Variants in PRKN observed in about 807,000 individuals in gnomAD.
PRKN encodes the protein parkin RBR E3 ubiquitin protein ligase, also known as E3 ubiquitin-protein ligase parkin.
PRKN carries 56 observed loss-of-function variants against 59.5 expected under a neutral mutation model. The observed-to-expected ratio is 0.94, with a 90% CI of 0.76 to 1.18. The LOEUF (loss-of-function observed/expected upper bound fraction) is 1.18. Ranked by LOEUF, PRKN falls within the 50% of genes most tolerant of loss-of-function variation. The pLI is 0.00. For synonymous variants in PRKN, 250 were observed against 222.1 expected, an observed-to-expected ratio of 1.13 and a Z score of -1.12; for missense variants, 657 against 596.4, an observed-to-expected ratio of 1.10 and a Z score of -1.06.
At chr6:162,089,100 G>T (rs1779369598) in intron 4 of PRKN, among the ~76,000 whole-genome samples, 1 of 152,066 alleles carries the variant, frequency 6.6e-6, no homozygotes, top group South Asian at 2.1e-4. Flanking sequence ...CATCACTACA[G>T]TAAAATGACA....
At chr6:162,573,993 G>A (rs77214277) in intron 1 of PRKN, among the ~76,000 whole-genome samples, 3 of 152,272 alleles carry the variant, frequency 2.0e-5, no homozygotes, top group East Asian at 3.9e-4. Context: ...GTTTAAAAAG[G>A]GAGAACTTGA....
In PRKN at chr6:162,163,892, T is replaced by G. The variant is rs114275011; in HGVS notation, c.534+37239A>C. On this transcript the variant is annotated intron_variant, in intron 4 of 11. Transcript: ENST00000366898. Reference sequence around the variant, plus strand: ...TTCACCTGCTCTGCAGCTACAGGCCTTATCCTCTAATTAAACCAACCCCAC... The same window carrying G: ...TTCACCTGCTCTGCAGCTACAGGCCGTATCCTCTAATTAAACCAACCCCAC... Among the ~76,000 whole-genome samples the G allele has an allele frequency of 3.8e-3, 567 of 149,258 alleles. 72 individuals are homozygous for G. Among genetic ancestry groups the G allele is most frequent in the African/African-American group, 0.014 (545 of 39,790 alleles).
intron 1 of PRKN, among the ~76,000 whole-genome samples, chr6:162,452,017 G>T (rs986426567): frequency 6.6e-6 from 1 of 150,460 alleles, no homozygotes; most frequent in African/African-American, 2.4e-5. Context: ...TCACATACAG[G>T]GTTAAAATGA....
chr6:162,245,269 G>C (rs1184519474), intron 3 of PRKN, among the ~76,000 whole-genome samples: 1 of 152,030 alleles, frequency 6.6e-6, no homozygotes, highest in Non-Finnish European at 1.5e-5. Flanking sequence ...CAGTGGAGCA[G>C]ACAACCTCAA....
chr6:161,404,614 T>A (rs1166761454), intron 9 of PRKN, among the ~76,000 whole-genome samples: 1 of 152,154 alleles, frequency 6.6e-6, no homozygotes, highest in Non-Finnish European at 1.5e-5. Flanking sequence ...TGTGTCAGGG[T>A]GTCTCTAAGT....
intron 4 of PRKN, among the ~76,000 whole-genome samples, chr6:162,191,256 A>T (rs1784267213): frequency 6.6e-6 from 1 of 152,114 alleles, no homozygotes; most frequent in African/African-American, 2.4e-5. Flanking sequence ...ATGGGCCCAG[A>T]CTAGGGGATA....
chr6:161,838,931 A>T (rs1792871354), intron 6 of PRKN, among the ~76,000 whole-genome samples: 1 of 152,172 alleles, frequency 6.6e-6, no homozygotes. Flanking sequence ...TCGACCCTGC[A>T]AGGGGCCTGA....
intron 4 of PRKN, among the ~76,000 whole-genome samples, chr6:162,105,909 G>A (rs887364185): frequency 3.3e-5 from 5 of 152,188 alleles, no homozygotes; most frequent in African/African-American, 1.2e-4. Flanking sequence ...AGTACAGGCT[G>A]AGAAACATTC....
intron 4 of PRKN, among the ~76,000 whole-genome samples, chr6:162,177,468 T>C (rs542315945): frequency 8.5e-5 from 13 of 152,306 alleles, no homozygotes; most frequent in Admixed American, 2.6e-4. Context: ...ATTTGTCACA[T>C]AAAATTTAAT....
intron 4 of PRKN, among the ~76,000 whole-genome samples, chr6:162,096,358 C>A (rs1779730872): frequency 6.6e-6 from 1 of 152,154 alleles, no homozygotes; most frequent in Admixed American, 6.5e-5. Context: ...AATAGATAAG[C>A]CAACCTGTTC....
intron 10 of PRKN, among the ~76,000 whole-genome samples, chr6:161,375,619 G>A (rs565718024): frequency 5.9e-5 from 9 of 152,246 alleles, no homozygotes; most frequent in Non-Finnish European, 7.4e-5. Context: ...TGTGGCAGGC[G>A]ACGAAAAGGC....
intron 7 of PRKN, among the ~76,000 whole-genome samples, chr6:161,597,183 A>C (rs1781946581): frequency 6.6e-6 from 1 of 152,202 alleles, no homozygotes; most frequent in South Asian, 2.1e-4. Context: ...ACACATGCCG[A>C]AAGGAGGAGC....
chr6:161,558,406 TA>T (rs796688147), intron 8 of PRKN, among the ~76,000 whole-genome samples: 1 of 149,822 alleles, frequency 6.7e-6, no homozygotes, highest in Non-Finnish European at 1.5e-5. Context: ...GACAAAAAAT[TA>T]AAAAAAAATT....
chr6:162,197,598 T>C lies in PRKN; in HGVS notation c.534+3533A>G, dbSNP rs140352010. Among the ~76,000 whole-genome samples, 1,514 of 152,318 alleles carry C rather than the reference T, an allele frequency of 9.9e-3. 27 individuals carry two copies. Among genetic ancestry groups the C allele is most frequent in the African/African-American group, 0.034 (1,415 of 41,554 alleles). ...CTATGGAAAAATACAAAGCAGATTT[T>C]TCACTCCTGGCTTCGATATTTATGA... is the stretch of plus-strand genomic sequence containing the variant. On this transcript the variant is annotated intron_variant, in intron 4 of 11. Coordinates refer to ENST00000366898, the MANE Select transcript of PRKN (RefSeq NM_004562.3).
intron 6 of PRKN, among the ~76,000 whole-genome samples, chr6:161,911,472 T>C (rs1172679803): frequency 2.0e-5 from 3 of 152,196 alleles, no homozygotes; most frequent in Admixed American, 6.5e-5. Flanking sequence ...GCCATTTCTA[T>C]CAGAACTCCT....
chr6:161,837,462 T>C (rs1792805483), intron 6 of PRKN, among the ~76,000 whole-genome samples: 1 of 152,160 alleles, frequency 6.6e-6, no homozygotes, highest in South Asian at 2.1e-4. Context: ...CTTTGACTCA[T>C]TTAATTAAGT....
intron 2 of PRKN, among the ~76,000 whole-genome samples, chr6:162,423,111 T>C (rs887448747): frequency 1.3e-5 from 2 of 152,258 alleles, no homozygotes; most frequent in Non-Finnish European, 2.9e-5. Flanking sequence ...TTCCCTTACA[T>C]ATAAAAATGT....
intron 7 of PRKN, among the ~76,000 whole-genome samples, chr6:161,743,785 T>C (rs1788298970): frequency 6.6e-6 from 1 of 152,148 alleles, no homozygotes; most frequent in Non-Finnish European, 1.5e-5. Context: ...TAGCCAACAG[T>C]ATCATTCTAT....
chr6:162,141,451 A>C (rs1003277220), intron 4 of PRKN, among the ~76,000 whole-genome samples: 1 of 152,226 alleles, frequency 6.6e-6, no homozygotes, highest in African/African-American at 2.4e-5. Context: ...CTACAGTTTA[A>C]TGTATTCAGA....
Sources: allele counts gnomAD v4.1 joint callset (sites outside exome capture counted in the v4.1 genomes callset), GRCh38; gene constraint gnomAD v4.1.1; transcripts MANE v1.5; gene names NCBI Gene and HGNC (gene_info 2026-07-23, HGNC 2026-07-21).